Variants in DUSP22 observed in about 807,000 individuals in gnomAD.
The protein encoded by DUSP22 is dual specificity phosphatase 22.
Under a neutral mutation model 24.5 loss-of-function variants are expected in DUSP22, and 24 were observed. The ratio of observed to expected loss-of-function variants is 0.98; its 90% confidence interval spans 0.71 to 1.38. The LOEUF (loss-of-function observed/expected upper bound fraction) is 1.38. Ranked by LOEUF, DUSP22 falls within the 40% of genes most tolerant of loss-of-function variation. DUSP22 has a pLI of 0.00. For synonymous variants in DUSP22, 160 were observed against 106.4 expected (o/e 1.50, Z -3.10); for missense variants, 330 against 269.2 (o/e 1.23, Z -1.58).
chr6:297,331 CTG>C (rs1451122946), intron 1 of DUSP22, among the ~76,000 whole-genome samples: 1 of 152,308 alleles, frequency 6.6e-6, no homozygotes, highest in Non-Finnish European at 1.5e-5. Flanking sequence ...TTTTTCCAAA[CTG>C]TGAAGTGCAA....
intron 3 of DUSP22, among the ~76,000 whole-genome samples, chr6:330,074 C>T (rs903642474): frequency 6.6e-6 from 1 of 152,298 alleles, no homozygotes; most frequent in African/African-American, 2.4e-5. Context: ...AAGCAGGGCA[C>T]CCGGCACCTC....
intron 4 of DUSP22, among the ~76,000 whole-genome samples, chr6:344,881 G>C (rs1170767789): frequency 6.6e-6 from 1 of 152,310 alleles, no homozygotes; most frequent in Non-Finnish European, 1.5e-5. Context: ...CACACGACGT[G>C]GTCACCTTCC....
At chr6:322,766 G>A (rs1758659058) in intron 3 of DUSP22, among the ~76,000 whole-genome samples, 1 of 151,690 alleles carries the variant, frequency 6.6e-6, no homozygotes, top group South Asian at 2.1e-4. Flanking sequence ...TAAGCATCAT[G>A]GTGGTGGTGG....
chr6:308,954 C>T (rs1015910829), intron 2 of DUSP22, among the ~76,000 whole-genome samples: 17 of 152,308 alleles, frequency 1.1e-4, no homozygotes, highest in South Asian at 2.1e-4. Context: ...CGCCCCACCT[C>T]CTCCAGGTTC....
At chr6:341,360 T>A (rs112920707) in intron 4 of DUSP22, among the ~76,000 whole-genome samples, 1,851 of 151,868 alleles carry the variant, frequency 0.012, no homozygotes, top group African/African-American at 0.043. Flanking sequence ...GCACTTCTGC[T>A]TCTAACTGCA....
At chr6:344,302 T>C (rs1318347236) in intron 4 of DUSP22, among the ~76,000 whole-genome samples, 1 of 152,104 alleles carries the variant, frequency 6.6e-6, no homozygotes, top group Non-Finnish European at 1.5e-5. Context: ...TGTTTATTTA[T>C]TGAGACAGGG....
chr6:338,435 T>C (rs1326368419), intron 4 of DUSP22, among the ~76,000 whole-genome samples: 1 of 152,302 alleles, frequency 6.6e-6, no homozygotes, highest in Non-Finnish European at 1.5e-5. Context: ...GCAGAACACC[T>C]ACCTCTCTCG....
intron 3 of DUSP22, chr6:325,113 C>G: frequency 1.3e-5 from 2 of 158,314 alleles, no homozygotes; most frequent in Non-Finnish European, 1.3e-5. Flanking sequence ...CAGTGCTGTA[C>G]CTGCTGGTGC....
At position 349,799 on chromosome 6, in the gene DUSP22, G is replaced by A; in HGVS notation, c.*848G>A. The A allele has an allele frequency of 2.0e-6, 2 of 985,982 alleles. No homozygotes were observed. Among genetic ancestry groups the A allele is most frequent in the Non-Finnish European group, 2.4e-6 (2 of 830,278 alleles). 61.1% of individuals were successfully genotyped at this position (985,982 alleles called of 1,614,324 possible). On this transcript the variant is annotated 3_prime_UTR_variant, in exon 7 of 7. Transcript: ENST00000419235. Reference sequence around the variant, plus strand: ...GCCCATCGAGCCCTGAGTTCTACTTGGTGTTTGTTCTCTGGAGCTGATTGC... The same window carrying A: ...GCCCATCGAGCCCTGAGTTCTACTTAGTGTTTGTTCTCTGGAGCTGATTGC...
chr6:296,004 GA>G (rs1475525021), intron 1 of DUSP22, among the ~76,000 whole-genome samples: 2 of 145,242 alleles, frequency 1.4e-5, no homozygotes, highest in Admixed American at 1.4e-4. Flanking sequence ...TTGAAGATAG[GA>G]AAAGTCTTTC....
chr6:302,785 ACT>A (rs1428649647), intron 1 of DUSP22, among the ~76,000 whole-genome samples: 1 of 152,298 alleles, frequency 6.6e-6, no homozygotes, highest in African/African-American at 2.4e-5. Context: ...AGCAAGGAAG[ACT>A]CTATTCGAGA....
intron 2 of DUSP22, among the ~76,000 whole-genome samples, chr6:310,993 A>T (rs1241337960): frequency 6.6e-6 from 1 of 152,306 alleles, no homozygotes; most frequent in Non-Finnish European, 1.5e-5. Context: ...TGAGGACTGT[A>T]GCCTGAAACA....
intron 3 of DUSP22, 108 bp from the exon 4 acceptor site, chr6:335,006 C>G (rs1048519218): frequency 4.9e-5 from 64 of 1,297,854 alleles, no homozygotes; most frequent in Non-Finnish European, 6.4e-5. Flanking sequence ...AAAAACTTCT[C>G]CTTTTTATTT....
At chr6:335,088 T>C (rs1413326770) in intron 3 of DUSP22, 26 bp from the exon 4 acceptor site, 2 of 1,608,636 alleles carry the variant, frequency 1.2e-6, no homozygotes, top group Middle Eastern at 1.7e-4. Context: ...TTTATTTTTA[T>C]GTATTTACTT....
At position 348,125 on chromosome 6, in the gene DUSP22, G is replaced by A. The variant is rs138056339; in HGVS notation, c.286G>A (p.Val96Met). 226 of 1,614,058 alleles carry A rather than the reference G, an allele frequency of 1.4e-4. No homozygotes were observed. Among genetic ancestry groups the A allele is most frequent in the Admixed American group, 5.5e-4 (33 of 60,000 alleles). Reference protein sequence around the residue: ...VHCLAGVSRSVTLVIAYIMTV... With the variant: ...VHCLAGVSRSMTLVIAYIMTV... ...CAGCCTGGCCGGGGTCTCCAGGAGC[G>A]TGACACTGGTGATCGCATACATCAT... Residue 96 changes from valine to methionine, a missense_variant, in exon 6 of 7, where the codon GTG (valine) becomes ATG (methionine). Coordinates refer to ENST00000419235, the MANE Select transcript of DUSP22 (RefSeq NM_001286555.3).
intron 3 of DUSP22, among the ~76,000 whole-genome samples, chr6:312,397 C>G (rs920772296): frequency 6.6e-6 from 1 of 152,270 alleles, no homozygotes; most frequent in African/African-American, 2.4e-5. Context: ...GAAGGTGAAT[C>G]GTCCTGGAGG....
At position 324,693 on chromosome 6, in the gene DUSP22, A is replaced by C. The variant is rs577260238; in HGVS notation, c.139-10421A>C. On this transcript the variant is annotated intron_variant, in intron 3 of 6. Transcript: ENST00000419235. ...TCAGTGTTTGCCTCTTTCTCAAAACAGCTTCTAGAGTATGATCCCAGAGGG... is the reference window on the plus strand; with the variant it reads ...TCAGTGTTTGCCTCTTTCTCAAAACCGCTTCTAGAGTATGATCCCAGAGGG... Among the ~76,000 whole-genome samples, 10 of 152,420 alleles carry C rather than the reference A, an allele frequency of 6.6e-5. No homozygotes were observed. In the East Asian group the frequency reaches 1.9e-3, roughly 29 times the overall value.
intron 1 of DUSP22, among the ~76,000 whole-genome samples, chr6:303,335 C>G (rs577050548): frequency 6.6e-6 from 1 of 152,294 alleles, no homozygotes; most frequent in Admixed American, 6.5e-5. Flanking sequence ...CCAGTTTGGC[C>G]GATACATTAC....
At chr6:340,463 C>T (rs1369022378) in intron 4 of DUSP22, among the ~76,000 whole-genome samples, 1 of 152,306 alleles carries the variant, frequency 6.6e-6, no homozygotes, top group African/African-American at 2.4e-5. Context: ...GTTATGAAAC[C>T]ACCTTCCAGA....
Sources: allele counts gnomAD v4.1 joint callset (sites outside exome capture counted in the v4.1 genomes callset), GRCh38; gene constraint gnomAD v4.1.1; transcripts MANE v1.5; gene names NCBI Gene and HGNC (gene_info 2026-07-23, HGNC 2026-07-21).